The following SCN10A variants were observed in gnomAD, a reference collection of about 807,000 sequenced individuals.
SCN10A encodes the protein sodium channel protein type 10 subunit alpha.
SCN10A carries 162 observed loss-of-function variants against 170.7 expected under a neutral mutation model. The ratio of observed to expected loss-of-function variants is 0.95; its 90% CI spans 0.84 to 1.08. The LOEUF (loss-of-function observed/expected upper bound fraction) is 1.08. SCN10A is among the 50% of genes least tolerant of loss of function. The pLI, the probability that SCN10A is intolerant of heterozygous loss-of-function variation, is 0.00. For synonymous variants in SCN10A, 985 were observed against 904.6 expected (o/e 1.09, Z -1.59); for missense variants, 2,527 against 2,436.9 (o/e 1.04, Z -0.78).
chr3:38,741,207 C>T (rs2063627755), intron 14 of SCN10A, among the ~76,000 whole-genome samples: 1 of 152,124 alleles, frequency 6.6e-6, no homozygotes, highest in Admixed American at 6.5e-5. Flanking sequence ...AGGTCACCTC[C>T]AGCTTGGTGG....
chr3:38,749,361 C>T (rs539295491), intron 13 of SCN10A, among the ~76,000 whole-genome samples: 1 of 152,142 alleles, frequency 6.6e-6, no homozygotes, highest in South Asian at 2.1e-4. Flanking sequence ...TTCTCCATAC[C>T]CTAAGGCAAA....
At chr3:38,773,197 T>A (rs2064030276) in intron 4 of SCN10A, among the ~76,000 whole-genome samples, 2 of 152,132 alleles carry the variant, frequency 1.3e-5, no homozygotes, top group Non-Finnish European at 2.9e-5. Flanking sequence ...CTGGGCATGG[T>A]GGTATGTACC....
intron 15 of SCN10A, among the ~76,000 whole-genome samples, chr3:38,734,473 C>T (rs78824521): frequency 0.027 from 4,151 of 152,170 alleles, 183 homozygotes; most frequent in African/African-American, 0.094. Flanking sequence ...CTAAATCTTC[C>T]AATGTATTAA....
Position 38,756,687 on chromosome 3 carries a change from C to A in SCN10A, c.1277G>T (p.Arg426Leu). 6.2e-7 allele frequency: 1 copy of A among 1,613,348 alleles called. No homozygotes were observed. The highest frequency in any genetic ancestry group is 8.5e-7 in the Non-Finnish European group (1 of 1,179,578). ...CTCCTCACAAACCTCCTGCTCCTTCCGGAGCATCTCGAGGGCCTCCTGGAA... is the reference window on the plus strand; with the variant it reads ...CTCCTCACAAACCTCCTGCTCCTTCAGGAGCATCTCGAGGGCCTCCTGGAA... ...KKFQEALEML[R>L]KEQEVLAALG... is the part of the protein sequence containing the mutation. Residue 426 changes from arginine (R) to leucine (L), a missense_variant, in exon 10 of 28, where the codon CGG (arginine) becomes CTG (leucine). Coordinates refer to ENST00000449082, the MANE Select transcript of SCN10A (RefSeq NM_006514.4).
At chr3:38,764,286 C>T (rs779382905) in intron 5 of SCN10A, among the ~76,000 whole-genome samples, 1 of 152,032 alleles carries the variant, frequency 6.6e-6, no homozygotes, top group Non-Finnish European at 1.5e-5. Flanking sequence ...AATTCTTTAA[C>T]GCTGATTTCT....
Position 38,752,201 on chromosome 3 carries a change from A to G in SCN10A, c.1755+18T>C. 1 of 1,496,042 alleles carries G rather than the reference A, an allele frequency of 6.7e-7. No homozygotes were observed. The highest frequency in any genetic ancestry group is 8.9e-7 in the Non-Finnish European group (1 of 1,121,418). The allele number at this position is 1,496,042 out of a possible 1,614,324, so 92.7% of individuals were successfully genotyped here. On this transcript the variant is annotated intron_variant, in intron 12 of 27. Coordinates refer to ENST00000449082, the MANE Select transcript of SCN10A (RefSeq NM_006514.4). ...GTGGAAGACAGCCTGAGGGAGTCTG[A>G]AGCATTCACAAACTCACCGAGACAT...
At chr3:38,793,375 G>A (rs540151196) in intron 2 of SCN10A, among the ~76,000 whole-genome samples, 2 of 152,134 alleles carry the variant, frequency 1.3e-5, no homozygotes, top group African/African-American at 4.8e-5. Flanking sequence ...CCTGCTTTCT[G>A]TCCTCACCGC....
intron 15 of SCN10A, among the ~76,000 whole-genome samples, chr3:38,729,333 C>T (rs564327126): frequency 2.2e-4 from 34 of 152,242 alleles, no homozygotes; most frequent in Admixed American, 1.7e-3. Context: ...CCACTGCATT[C>T]GATAGGTATT....
At chr3:38,772,283 G>T (rs748900042) in intron 4 of SCN10A, among the ~76,000 whole-genome samples, 4 of 142,510 alleles carry the variant, frequency 2.8e-5, no homozygotes, top group Non-Finnish European at 6.0e-5. Flanking sequence ...GAATTTGAAG[G>T]ATGCTTCTAA....
intron 15 of SCN10A, among the ~76,000 whole-genome samples, chr3:38,734,919 C>T (rs948888084): frequency 1.3e-5 from 2 of 151,834 alleles, no homozygotes; most frequent in African/African-American, 4.8e-5. Flanking sequence ...GCCTGTAATC[C>T]CAGCACTTTA....
intron 23 of SCN10A, among the ~76,000 whole-genome samples, chr3:38,711,112 A>G (rs1284251261): frequency 6.6e-6 from 1 of 152,246 alleles, no homozygotes; most frequent in Admixed American, 6.5e-5. Context: ...ATAGAGTAGC[A>G]TTAAAGACAC....
chr3:38,801,015 G>A (rs955402807), intron 1 of SCN10A, among the ~76,000 whole-genome samples: 1 of 152,134 alleles, frequency 6.6e-6, no homozygotes, highest in Non-Finnish European at 1.5e-5. Flanking sequence ...CCTATGTTCT[G>A]GGAGAACCAG....
rs866103882 is a variant in SCN10A at position 38,698,446 on chromosome 3, C to T, written c.4774G>A (p.Gly1592Arg). 6.2e-7 allele frequency: 1 copy of T among 1,614,200 alleles called. No individual in the cohort carries two copies. Among genetic ancestry groups the T allele is most frequent in the Non-Finnish European group, 8.5e-7 (1 of 1,180,032 alleles). Residue 1592 changes from glycine (G) to arginine (R), a missense_variant, in exon 28 of 28, where the codon GGG (glycine) becomes AGG (arginine). Transcript: ENST00000449082. ...RILRLIRAAKGIRTLLFALMM... is the reference protein window; with the variant it reads ...RILRLIRAAKRIRTLLFALMM... ...AGGGCAAAGAGCAGTGTGCGGATCCCCTTGGCCGCTCGGATCAGTCTGAGG... is the reference window on the plus strand; with the variant it reads ...AGGGCAAAGAGCAGTGTGCGGATCCTCTTGGCCGCTCGGATCAGTCTGAGG...
At chr3:38,716,010 G>T (rs552848228) in intron 21 of SCN10A, among the ~76,000 whole-genome samples, 97 of 152,106 alleles carry the variant, frequency 6.4e-4, no homozygotes, top group African/African-American at 2.2e-3. Flanking sequence ...TTGCATAGAG[G>T]GATGAATTAA....
intron 4 of SCN10A, among the ~76,000 whole-genome samples, chr3:38,776,231 A>G (rs1237372876): frequency 6.6e-6 from 1 of 152,124 alleles, no homozygotes; most frequent in Non-Finnish European, 1.5e-5. Context: ...ATCCACATCC[A>G]TTATCCACTT....
chr3:38,741,227 C>T (rs1006334729), intron 14 of SCN10A, among the ~76,000 whole-genome samples: 3 of 152,038 alleles, frequency 2.0e-5, no homozygotes, highest in Non-Finnish European at 4.4e-5. Context: ...GACCCTGCTG[C>T]GGACATGAAG....
chr3:38,717,725 C>A (rs889335371), intron 21 of SCN10A, among the ~76,000 whole-genome samples: 1 of 152,236 alleles, frequency 6.6e-6, no homozygotes, highest in African/African-American at 2.4e-5. Flanking sequence ...CTCTGCTGGG[C>A]AGACCTTGCT....
chr3:38,780,444 A>T (rs2064126068), intron 4 of SCN10A, among the ~76,000 whole-genome samples: 1 of 152,076 alleles, frequency 6.6e-6, no homozygotes, highest in Admixed American at 6.6e-5. Flanking sequence ...GGTGAGTAAA[A>T]TCCATTTATA....
chr3:38,709,742 G>T, intron 24 of SCN10A, 127 bp from the exon 25 acceptor site: 1 of 793,662 alleles, frequency 1.3e-6, no homozygotes, highest in Non-Finnish European at 1.9e-6. Context: ...AAGGAAGCAG[G>T]AATGAGGGAG....
Sources: allele counts gnomAD v4.1 joint callset (sites outside exome capture counted in the v4.1 genomes callset), GRCh38; gene constraint gnomAD v4.1.1; transcripts MANE v1.5; gene names NCBI Gene and HGNC (gene_info 2026-07-23, HGNC 2026-07-21).